Variants in FER1L5 observed in about 807,000 individuals in gnomAD.
FER1L5 encodes the protein fer-1 like family member 5.
In FER1L5, 187 loss-of-function variants were observed where a neutral mutation model predicts 279.9. The observed-to-expected ratio is 0.67, with a 90% confidence interval of 0.59 to 0.75. FER1L5 has a LOEUF of 0.75. Among genes scored for constraint, FER1L5 ranks in the 30% least tolerant of loss-of-function variants. The pLI, the probability that FER1L5 is intolerant of heterozygous loss-of-function variation, is 0.00. For synonymous variants in FER1L5, 921 were observed against 989.7 expected (o/e 0.93, Z 1.30); for missense variants, 2,091 against 2,594.4 (o/e 0.81, Z 4.21).
At chr2:96,659,432 T>C (rs1227776782) in intron 9 of FER1L5, among the ~76,000 whole-genome samples, 77 of 18,078 alleles carry the variant, frequency 4.3e-3, no homozygotes, top group Non-Finnish European at 5.6e-3. Flanking sequence ...TTTCTTTCTT[T>C]CTTTCTTTCT....
chr2:96,701,741 G>A lies in FER1L5; in HGVS notation c.5071-214G>A, dbSNP rs1472357444. ...CCATGCCATCAGCCCCAAAGCTACC[G>A]TGTCCCAATCTCCCTGCACTACTCT... On this transcript the variant is annotated intron_variant, in intron 45 of 52. Coordinates refer to ENST00000624922, the MANE Select transcript of FER1L5 (RefSeq NM_001293083.2). Among the ~76,000 whole-genome samples, 8 of 152,090 alleles carry A rather than the reference G, an allele frequency of 5.3e-5. No individual in the cohort carries two copies. In the South Asian group the frequency reaches 6.2e-4, roughly 12 times the overall value.
At chr2:96,673,330 A>G (rs1476439035) in intron 19 of FER1L5, 76 bp downstream of exon 19, 1 of 1,387,666 alleles carries the variant, frequency 7.2e-7, no homozygotes, top group Non-Finnish European at 9.8e-7. Flanking sequence ...TCTCAGGGGT[A>G]TTAGCTCATG....
chr2:96,659,107 G>C (rs1025431502), intron 9 of FER1L5, among the ~76,000 whole-genome samples: 1 of 151,764 alleles, frequency 6.6e-6, no homozygotes, highest in Non-Finnish European at 1.5e-5. Flanking sequence ...AATATTTTTT[G>C]TATTTTCAGT....
At position 96,695,521 on chromosome 2, in the gene FER1L5, G is replaced by T; in HGVS notation, c.3754G>T (p.Gly1252Cys). ...KRMAIEILAW[G>C]LRNMKKASSP... The stretch of plus-strand genomic sequence containing the variant: ...TTTGTTCTGGTAGATCCTGGCCTGG[G>T]GCCTTCGGAACATGAAGAAGGCGAG... The change falls in exon 35 of 53, where the codon GGC (glycine) becomes TGC (cysteine). Residue 1252 changes from glycine to cysteine, a missense_variant. Gly to Cys is a radical substitution (Grantham distance 159). Coordinates refer to ENST00000624922, the MANE Select transcript of FER1L5 (RefSeq NM_001293083.2). 1 of 1,590,344 alleles carries T rather than the reference G, an allele frequency of 6.3e-7. No homozygotes were observed. The highest frequency in any genetic ancestry group is 8.6e-7 in the Non-Finnish European group (1 of 1,168,900).
rs1288996702 is a variant in FER1L5 at position 96,673,648 on chromosome 2, AC to A, written c.1669+398del. On this transcript the variant is annotated intron_variant, in intron 19 of 52. Coordinates refer to ENST00000624922, the MANE Select transcript of FER1L5 (RefSeq NM_001293083.2). ...CACTTACCCCAACATCCAACCAACT[AC>A]CCCTCCAGCCGTTCATTCACTCATC... Among the ~76,000 whole-genome samples, 4 of 151,030 alleles carry A rather than the reference AC, an allele frequency of 2.6e-5. No individual in the cohort carries two copies. In the East Asian group the frequency reaches 5.8e-4, roughly 22 times the overall value.
chr2:96,648,099 C>T (rs1020217171), intron 4 of FER1L5, among the ~76,000 whole-genome samples: 1 of 152,192 alleles, frequency 6.6e-6, no homozygotes, highest in African/African-American at 2.4e-5. Context: ...AACCACTGTG[C>T]CAGGCCCTGT....
At position 96,661,307 on chromosome 2, in the gene FER1L5, G is replaced by A; in HGVS notation, c.779-18G>A. ...GGAGGCTGCAGGCAGATCTCCCATG[G>A]CCTTTCTGCCTCTCTAGGTCACACA... On this transcript the variant is annotated intron_variant, in intron 10 of 52. Transcript: ENST00000624922. 6.6e-7 allele frequency: 1 copy of A among 1,505,812 alleles called. No individual in the cohort carries two copies. Among genetic ancestry groups the A allele is most frequent in the South Asian group, 1.2e-5 (1 of 80,332 alleles). 93.3% of individuals were successfully genotyped at this position (1,505,812 alleles called of 1,614,324 possible). A position where few individuals can be genotyped will look rare whatever the true frequency, so the allele number is the denominator to read the frequency against.
chr2:96,676,139 C>A (rs1045526517), intron 19 of FER1L5, among the ~76,000 whole-genome samples: 3 of 152,112 alleles, frequency 2.0e-5, no homozygotes, highest in Admixed American at 2.0e-4. Context: ...AGTGGAGCAC[C>A]ATTTGCCTGA....
At chr2:96,687,164 C>T (rs767720625) in intron 23 of FER1L5, among the ~76,000 whole-genome samples, 14 of 152,310 alleles carry the variant, frequency 9.2e-5, no homozygotes, top group Admixed American at 2.6e-4. Context: ...CCCACTGCCT[C>T]CTGGAGAAGG....
chr2:96,661,240 C>A lies in FER1L5; in HGVS notation c.779-85C>A, dbSNP rs1573827286. ...GATGCCTGAGACCTATTTCCACCTT[C>A]CCCTCCTGCTAAAACAAAGGCTGGT... On this transcript the variant is annotated intron_variant, in intron 10 of 52. Transcript: ENST00000624922. The A allele has an allele frequency of 5.4e-6, 5 of 927,280 alleles. 1 individual carries two copies. The South Asian group carries it at 9.6e-5, about 18-fold the overall frequency. The allele number at this position is 927,280 out of a possible 1,614,324, so 57.4% of individuals were successfully genotyped here.
intron 51 of FER1L5, 58 bp downstream of exon 51, chr2:96,703,690 T>A: frequency 2.0e-6 from 3 of 1,483,692 alleles, no homozygotes; most frequent in Non-Finnish European, 2.8e-6. Context: ...GTGTATGGGG[T>A]GGTGACCAGT....
intron 12 of FER1L5, 69 bp downstream of exon 12, chr2:96,661,860 T>C (rs2106528130): frequency 1.3e-6 from 2 of 1,536,748 alleles, no homozygotes; most frequent in African/African-American, 1.4e-5. Context: ...TGGATCCTCA[T>C]GGAGTTTCCT....
intron 31 of FER1L5, 99 bp downstream of exon 31, chr2:96,692,280 C>T: frequency 5.4e-6 from 7 of 1,303,400 alleles, no homozygotes; most frequent in Non-Finnish European, 7.6e-6. Context: ...TGCTTGCAGT[C>T]CCAGCCAGGG....
chr2:96,691,667 C>A lies in FER1L5; in HGVS notation c.3075+55C>A, dbSNP rs2077153031. On this transcript the variant is annotated intron_variant, in intron 29 of 52. Transcript: ENST00000624922. This position sits in a 1 kb window ranked among gnomAD's most constrained non-coding sequence, Gnocchi z 6.0. ...CCTGTAACCCCACCTCCCAGAGAAG[C>A]CAGGGCCTGGCCTGGCTGGGGCGCT... The A allele has an allele frequency of 6.6e-7, 1 of 1,514,876 alleles. No homozygotes were observed. The highest frequency in any genetic ancestry group is 1.3e-5 in the South Asian group (1 of 77,570). 93.8% of individuals were successfully genotyped at this position (1,514,876 alleles called of 1,614,324 possible).
intron 19 of FER1L5, among the ~76,000 whole-genome samples, chr2:96,682,339 G>A (rs559034443): frequency 2.0e-5 from 3 of 151,904 alleles, no homozygotes; most frequent in South Asian, 2.1e-4. Flanking sequence ...TGATCCTCCC[G>A]CCTTGGCCTC....
Position 96,689,089 on chromosome 2 carries a change from C to G in FER1L5, c.2362-124C>G. ...CTGTGCAATGGGGACATGGCCCTTT[C>G]TTGCCTGGCTACCACATTTTTAGGA... is the stretch of plus-strand genomic sequence containing the variant. On this transcript the variant is annotated intron_variant, in intron 24 of 52. Transcript: ENST00000624922. The surrounding 1 kb of genome is among the most constrained non-coding windows in gnomAD (Gnocchi z 4.6). The G allele has an allele frequency of 8.2e-7, 1 of 1,216,600 alleles. No homozygotes were observed. The highest frequency in any genetic ancestry group is 1.1e-6 in the Non-Finnish European group (1 of 887,510). 75.4% of individuals were successfully genotyped at this position (1,216,600 alleles called of 1,614,324 possible).
At chr2:96,655,732 C>T (rs1205461536) in intron 9 of FER1L5, among the ~76,000 whole-genome samples, 1 of 151,894 alleles carries the variant, frequency 6.6e-6, no homozygotes, top group Non-Finnish European at 1.5e-5. Flanking sequence ...TTTTTTGAGA[C>T]GTGATCTTGC....
In FER1L5 at chr2:96,691,731, G is replaced by C; in HGVS notation, c.3076-94G>C. 1 of 1,550,754 alleles carries C rather than the reference G, an allele frequency of 6.4e-7. No homozygotes were observed. Reference sequence around the variant, plus strand: ...GGGCCTCTGTTCCTCAGGCTTGCGAGGGTGGCAGTGTGAGGGAGGAGGGTG... The same window carrying C: ...GGGCCTCTGTTCCTCAGGCTTGCGACGGTGGCAGTGTGAGGGAGGAGGGTG... On this transcript the variant is annotated intron_variant, in intron 29 of 52. Coordinates refer to ENST00000624922, the MANE Select transcript of FER1L5 (RefSeq NM_001293083.2). The surrounding 1 kb of genome is among the most constrained non-coding windows in gnomAD (Gnocchi z 6.0).
Position 96,698,219 on chromosome 2 carries a change from G to A in FER1L5, c.4356+63G>A, listed in dbSNP as rs865815513. 81 of 1,513,132 alleles carry A rather than the reference G, an allele frequency of 5.4e-5. No homozygotes were observed. The highest frequency in any genetic ancestry group is 1.7e-4 in the Middle Eastern group (1 of 5,806). The allele number at this position is 1,513,132 out of a possible 1,614,324, so 93.7% of individuals were successfully genotyped here. A position where few individuals can be genotyped will look rare whatever the true frequency, so the allele number is the denominator to read the frequency against. On this transcript the variant is annotated intron_variant, in intron 40 of 52. Transcript: ENST00000624922. The surrounding 1 kb of genome is among the most constrained non-coding windows in gnomAD (Gnocchi z 5.5). ...TGTGCACCTTCTGTCCCTGGAAAAC[G>A]AATAAAAGCCCTGGCTCTATATGCT...
Sources: allele counts gnomAD v4.1 joint callset (sites outside exome capture counted in the v4.1 genomes callset), GRCh38; gene constraint gnomAD v4.1.1; non-coding constraint Gnocchi (gnomAD v3.1); transcripts MANE v1.5; gene names NCBI Gene and HGNC (gene_info 2026-07-23, HGNC 2026-07-21).